Variants in FHIT observed in about 807,000 individuals in gnomAD.
FHIT encodes fragile histidine triad diadenosine triphosphatase.
FHIT carries 19 observed loss-of-function variants against 17.9 expected under a neutral mutation model. The ratio of observed to expected loss-of-function variants is 1.06; its 90% CI spans 0.74 to 1.56. The LOEUF (loss-of-function observed/expected upper bound fraction) is 1.56, where lower values mean the gene tolerates loss of function less well. FHIT is among the 40% of genes most tolerant of loss of function. FHIT has a pLI of 0.00. For synonymous variants in FHIT, 81 were observed against 69.7 expected (o/e 1.16, Z -0.81); for missense variants, 248 against 189.2 (o/e 1.31, Z -1.82).
At chr3:60,986,839 C>G (rs1273028651) in intron 3 of FHIT, among the ~76,000 whole-genome samples, 1 of 152,174 alleles carries the variant, frequency 6.6e-6, no homozygotes, top group African/African-American at 2.4e-5. Context: ...TGGGCACTTA[C>G]TCATTAATTC....
At chr3:61,060,304 A>T (rs1337490937) in intron 2 of FHIT, among the ~76,000 whole-genome samples, 1 of 152,164 alleles carries the variant, frequency 6.6e-6, no homozygotes, top group Non-Finnish European at 1.5e-5. Flanking sequence ...GAAATTGGTT[A>T]TATGTTGCTT....
intron 5 of FHIT, among the ~76,000 whole-genome samples, chr3:60,056,793 G>C (rs1489301665): frequency 1.3e-5 from 2 of 152,156 alleles, no homozygotes; most frequent in African/African-American, 4.8e-5. Context: ...TTGAAAGAGG[G>C]GCCAATACTT....
At chr3:60,732,684 C>CTGTTTTTTTT (rs2042055706) in intron 4 of FHIT, 1 of 166,694 alleles carries the variant, frequency 6.0e-6, no homozygotes. Flanking sequence ...GCAAAGACTG[C>CTGTTTTTTTT]TTTTTTTTTT....
intron 8 of FHIT, among the ~76,000 whole-genome samples, chr3:59,845,152 T>C (rs1701673308): frequency 6.6e-6 from 1 of 152,120 alleles, no homozygotes; most frequent in Non-Finnish European, 1.5e-5. Context: ...CATTTCTGAT[T>C]TTATTAATTT....
At chr3:60,927,287 T>G (rs2107345070) in intron 3 of FHIT, among the ~76,000 whole-genome samples, 1 of 152,374 alleles carries the variant, frequency 6.6e-6, no homozygotes, top group Non-Finnish European at 1.5e-5. Flanking sequence ...AGACAGAGTC[T>G]CGCTCACTCA....
At chr3:60,842,220 C>G (rs1260978235) in intron 3 of FHIT, among the ~76,000 whole-genome samples, 1 of 152,062 alleles carries the variant, frequency 6.6e-6, no homozygotes, top group African/African-American at 2.4e-5. Flanking sequence ...ACCAGTGAAT[C>G]TGGAGTTCTC....
intron 2 of FHIT, among the ~76,000 whole-genome samples, chr3:61,058,148 C>T (rs1450995144): frequency 1.3e-5 from 2 of 152,064 alleles, no homozygotes; most frequent in Non-Finnish European, 2.9e-5. Flanking sequence ...CTGCCTGGCA[C>T]GTAATAAGTT....
intron 4 of FHIT, among the ~76,000 whole-genome samples, chr3:60,796,813 C>G (rs1460702057): frequency 6.6e-6 from 1 of 152,192 alleles, no homozygotes; most frequent in Non-Finnish European, 1.5e-5. Context: ...AACTCCTGAC[C>G]TCTGGTGATC....
At chr3:61,155,223 T>C (rs1175529891) in intron 2 of FHIT, among the ~76,000 whole-genome samples, 1 of 152,212 alleles carries the variant, frequency 6.6e-6, no homozygotes, top group Non-Finnish European at 1.5e-5. Context: ...GGGGAACTTA[T>C]GAGCACACCC....
rs550150838 is a variant in FHIT at position 59,945,794 on chromosome 3, T to C, written c.280-23380A>G. ...CAAGCACCATTTATTGAAAAAGGAG[T>C]CCTTTCCCCTTTTGGTCAGCTTTGT... On this transcript the variant is annotated intron_variant, in intron 7 of 9. Transcript: ENST00000492590. 8.6e-4 allele frequency among the ~76,000 whole-genome samples: 131 copies of C among 152,202 alleles called. 1 individual carries two copies. The highest frequency in any genetic ancestry group is 3.1e-3 in the African/African-American group (129 of 41,542).
At chr3:60,113,269 A>C (rs554437476) in intron 5 of FHIT, among the ~76,000 whole-genome samples, 39 of 152,332 alleles carry the variant, frequency 2.6e-4, no homozygotes, top group African/African-American at 9.1e-4. Context: ...TTACAGCAGC[A>C]TGAAACACAT....
intron 4 of FHIT, among the ~76,000 whole-genome samples, chr3:60,797,200 C>T (rs1187915214): frequency 6.6e-6 from 1 of 152,168 alleles, no homozygotes; most frequent in South Asian, 2.1e-4. Context: ...GTAACTCTTA[C>T]TCTTGTGCCA....
At chr3:60,685,318 C>G (rs935858818) in intron 4 of FHIT, among the ~76,000 whole-genome samples, 1 of 152,150 alleles carries the variant, frequency 6.6e-6, no homozygotes, top group Non-Finnish European at 1.5e-5. Flanking sequence ...TCCTCAGGCC[C>G]AGCTAAAAAA....
chr3:60,624,937 C>A (rs1299875120), intron 4 of FHIT, among the ~76,000 whole-genome samples: 1 of 149,544 alleles, frequency 6.7e-6, no homozygotes, highest in Non-Finnish European at 1.5e-5. Context: ...TTGAGACAGT[C>A]TTGCCCTGTT....
chr3:59,984,527 C>T lies in FHIT; in HGVS notation c.279+26844G>A, dbSNP rs571695332. Among the ~76,000 whole-genome samples the T allele has an allele frequency of 9.9e-5, 15 of 152,010 alleles. No homozygotes were observed. In the South Asian group the frequency reaches 2.9e-3, roughly 30 times the overall value. On this transcript the variant is annotated intron_variant, in intron 7 of 9. Coordinates refer to ENST00000492590, the MANE Select transcript of FHIT (RefSeq NM_002012.4). Reference sequence around the variant, plus strand: ...AACATTGTTCCTAAAGTCAATAATTCCTGACACTTTAGGCCTACACTCTAC... The same window carrying T: ...AACATTGTTCCTAAAGTCAATAATTTCTGACACTTTAGGCCTACACTCTAC...
intron 4 of FHIT, among the ~76,000 whole-genome samples, chr3:60,633,361 T>C (rs2039497355): frequency 6.6e-6 from 1 of 152,080 alleles, no homozygotes; most frequent in South Asian, 2.1e-4. Context: ...AAAAGCTAAA[T>C]CAAATAATAT....
intron 2 of FHIT, among the ~76,000 whole-genome samples, chr3:61,062,289 A>T (rs1350563934): frequency 1.3e-5 from 2 of 152,176 alleles, no homozygotes; most frequent in Non-Finnish European, 2.9e-5. Flanking sequence ...TTAATTATTT[A>T]AAAAATGAGG....
chr3:61,041,862 T>C (rs1036236602), intron 3 of FHIT, among the ~76,000 whole-genome samples, 185 bp downstream of exon 3: 2 of 152,126 alleles, frequency 1.3e-5, no homozygotes. Context: ...AATTTCAAAA[T>C]CTTTGTGTAG....
At chr3:60,181,173 G>A (rs1473667800) in intron 5 of FHIT, among the ~76,000 whole-genome samples, 4 of 133,644 alleles carry the variant, frequency 3.0e-5, no homozygotes, top group Non-Finnish European at 6.1e-5. Flanking sequence ...TTGAGACTGA[G>A]TCTCACTCTG....
Sources: gnomAD v4.1 joint callset for allele counts (sites outside exome capture counted in the v4.1 genomes callset) on GRCh38, gnomAD v4.1.1 for gene constraint, MANE v1.5 for transcripts, NCBI Gene and HGNC (gene_info 2026-07-23, HGNC 2026-07-21) for gene names.